Variants in SIGLEC15 observed in about 807,000 individuals in gnomAD.
SIGLEC15 encodes the protein sialic acid-binding Ig-like lectin 15.
SIGLEC15 carries 31 observed loss-of-function variants against 26.2 expected under a neutral mutation model. The ratio of observed to expected loss-of-function variants is 1.18; its 90% CI spans 0.89 to 1.60. SIGLEC15 has a LOEUF of 1.60. Ranked by LOEUF, SIGLEC15 falls within the 40% of genes most tolerant of loss-of-function variation. The pLI, the probability that SIGLEC15 is intolerant of heterozygous loss-of-function variation, is 0.00. For synonymous variants in SIGLEC15, 207 were observed against 221.9 expected (o/e 0.93, Z 0.60); for missense variants, 501 against 488.4 (o/e 1.03, Z -0.24).
intron 1 of SIGLEC15, among the ~76,000 whole-genome samples, chr18:45,836,303 G>C (rs1362213072): frequency 6.6e-6 from 1 of 152,140 alleles, no homozygotes; most frequent in Non-Finnish European, 1.5e-5. Flanking sequence ...AGGGTCACAT[G>C]ACATGGTATC....
chr18:45,827,471 A>G (rs2048194588), intron 1 of SIGLEC15, among the ~76,000 whole-genome samples: 1 of 152,184 alleles, frequency 6.6e-6, no homozygotes, highest in Non-Finnish European at 1.5e-5. Flanking sequence ...GGTCCCACTG[A>G]GACAGTGGCC....
chr18:45,840,077 CTGCTAGTCTGCTGTT>C, intron 4 of SIGLEC15, 119 bp from the exon 5 acceptor site: 1 of 924,722 alleles, frequency 1.1e-6, no homozygotes, highest in Non-Finnish European at 1.7e-6. Flanking sequence ...GCTTCACACC[CTGCTAGTCTGCTGTT>C]TGCTTCAAAA....
intron 1 of SIGLEC15, among the ~76,000 whole-genome samples, chr18:45,829,770 G>C: frequency 6.6e-6 from 1 of 152,144 alleles, no homozygotes; most frequent in East Asian, 1.9e-4. Flanking sequence ...AAAGATGCCT[G>C]AGGGACTCCA....
Position 45,839,004 on chromosome 18 carries a change from C to T in SIGLEC15, c.783C>T (p.Ala261=). The T allele has an allele frequency of 6.3e-7, 1 of 1,593,864 alleles. No homozygotes were observed. Among genetic ancestry groups the T allele is most frequent in the Non-Finnish European group, 8.5e-7 (1 of 1,175,682 alleles). The stretch of plus-strand genomic sequence containing the variant: ...TCCGCTTCCATGGCGCCAGCGGGGC[C>T]TCGACGGTCGCCCTCCTGCTCGGCG... ...YLFRFHGASG[A]STVALLLGAL... is the part of the protein sequence containing the mutation. Residue 261 remains alanine, a synonymous_variant, in exon 4 of 6, where the codon GCC becomes GCT. Coordinates refer to ENST00000389474, the MANE Select transcript of SIGLEC15 (RefSeq NM_213602.3).
At chr18:45,842,049 G>T (rs1480623661) in intron 5 of SIGLEC15, 57 bp from the exon 6 acceptor site, 10 of 1,524,084 alleles carry the variant, frequency 6.6e-6, no homozygotes, top group African/African-American at 1.4e-5. Flanking sequence ...ATATAGTTTG[G>T]GCAGTTGTGG....
intron 5 of SIGLEC15, 63 bp downstream of exon 5, chr18:45,840,304 G>A (rs2048314734): frequency 6.5e-7 from 1 of 1,538,064 alleles, no homozygotes. Flanking sequence ...TCACCCAGGG[G>A]GTCCAGGCAG....
In SIGLEC15 at chr18:45,842,981, C is replaced by T. The variant is rs977493175; in HGVS notation, c.*794C>T. On this transcript the variant is annotated 3_prime_UTR_variant, in exon 6 of 6. Coordinates refer to ENST00000389474, the MANE Select transcript of SIGLEC15 (RefSeq NM_213602.3). ...GCCTTTACCCCATGCCCCCTGGGAT[C>T]TCCACTGTGACTGTCCCACACCCTC... is the stretch of plus-strand genomic sequence containing the variant. The T allele has an allele frequency of 6.6e-6, 1 of 152,372 alleles. No homozygotes were observed. 9.4% of individuals were successfully genotyped at this position (152,372 alleles called of 1,614,324 possible).
intron 5 of SIGLEC15, among the ~76,000 whole-genome samples, chr18:45,841,816 CAGG>C (rs1184894734): frequency 6.6e-6 from 1 of 152,174 alleles, no homozygotes; most frequent in Non-Finnish European, 1.5e-5. Context: ...AGTTGGGGAC[CAGG>C]AGGCCAGGCC....
intron 2 of SIGLEC15, 125 bp from the exon 3 acceptor site, chr18:45,837,388 T>C (rs2048283970): frequency 1.5e-6 from 2 of 1,334,170 alleles, no homozygotes; most frequent in African/African-American, 3.0e-5. Context: ...GGACGATCCC[T>C]GAGTCCTGGG....
At chr18:45,839,173 A>C in intron 4 of SIGLEC15, 78 bp downstream of exon 4, 1 of 1,325,564 alleles carries the variant, frequency 7.5e-7, no homozygotes, top group Non-Finnish European at 9.6e-7. Context: ...CACCTGGCTG[A>C]CCCCCTGGCA....
rs1308202480 is a variant in SIGLEC15, at chr18:45,838,758, G to C, written c.537G>C (p.Pro179=). The C allele has an allele frequency of 6.3e-7, 1 of 1,582,148 alleles. No individual in the cohort carries two copies. The highest frequency in any genetic ancestry group is 2.3e-5 in the East Asian group (1 of 43,828). The part of the protein sequence containing the change: ...RIVNISVLPS[P]AHAFRALCTA... ...TCAACATCTCGGTGCTGCCCAGTCC[G>C]GCTCACGCCTTCCGCGCGCTCTGCA... The change falls in exon 4 of 6, where the codon CCG becomes CCC. Residue 179 remains proline (P), a synonymous_variant. Coordinates refer to ENST00000389474, the MANE Select transcript of SIGLEC15 (RefSeq NM_213602.3).
At chr18:45,837,253 G>A (rs1568080684) in intron 2 of SIGLEC15, among the ~76,000 whole-genome samples, 165 bp downstream of exon 2, 1 of 152,216 alleles carries the variant, frequency 6.6e-6, no homozygotes, top group African/African-American at 2.4e-5. Context: ...GAGGGGAATA[G>A]TCCCAGGGAA....
Position 45,837,786 on chromosome 18 carries a change from T to G in SIGLEC15, c.386T>G (p.Val129Gly), listed in dbSNP as rs555084106. 3.9e-6 allele frequency: 6 copies of G among 1,523,674 alleles called. No homozygotes were observed. The South Asian group carries it at 7.2e-5, about 18-fold the overall frequency. The allele number at this position is 1,523,674 out of a possible 1,614,324, so 94.4% of individuals were successfully genotyped here. A position where few individuals can be genotyped will look rare whatever the true frequency, so the allele number is the denominator to read the frequency against. Residue 129 changes from valine to glycine, a missense_variant, in exon 3 of 6, where the codon GTC becomes GGC. By Grantham distance (109) the Val-to-Gly change is moderately radical (BLOSUM62 -3). Coordinates refer to ENST00000389474, the MANE Select transcript of SIGLEC15 (RefSeq NM_213602.3). ...NPRRNDLSLR[V>G]ERLALADDRR... ...CGCCGCAACGACCTCTCGCTGCGCG[T>G]CGAGCGCCTCGCCCTGGCTGACGAC... is the stretch of plus-strand genomic sequence containing the variant.
intron 1 of SIGLEC15, among the ~76,000 whole-genome samples, chr18:45,826,503 AC>A (rs1298362942): frequency 6.6e-6 from 1 of 152,088 alleles, no homozygotes; most frequent in African/African-American, 2.4e-5. Context: ...CTGCATTTTC[AC>A]CACCTTCTTG....
intron 1 of SIGLEC15, among the ~76,000 whole-genome samples, chr18:45,831,754 T>G (rs1434693253): frequency 6.6e-6 from 1 of 151,840 alleles, no homozygotes; most frequent in Admixed American, 6.6e-5. Context: ...TTTTTTTTTT[T>G]TTGGCGGAGT....
chr18:45,841,433 T>C (rs1206352092), intron 5 of SIGLEC15, among the ~76,000 whole-genome samples: 2 of 152,078 alleles, frequency 1.3e-5, no homozygotes, highest in Non-Finnish European at 2.9e-5. Flanking sequence ...GTGGGGGTTA[T>C]TGTGGGTGCA....
chr18:45,829,122 C>G, intron 1 of SIGLEC15: 1 of 985,688 alleles, frequency 1.0e-6, no homozygotes, highest in Non-Finnish European at 1.2e-6. Flanking sequence ...GAGCAGCACT[C>G]TGGGGTGGGC....
intron 5 of SIGLEC15, among the ~76,000 whole-genome samples, chr18:45,840,550 T>G (rs565719173): frequency 6.6e-6 from 1 of 152,292 alleles, no homozygotes; most frequent in South Asian, 2.1e-4. Context: ...GGGACACTCA[T>G]CCCCGTTCCC....
At chr18:45,832,019 G>A (rs900683231) in intron 1 of SIGLEC15, among the ~76,000 whole-genome samples, 4 of 152,282 alleles carry the variant, frequency 2.6e-5, no homozygotes, top group Middle Eastern at 3.4e-3. Flanking sequence ...GGCGTGAGCC[G>A]CCACGCCCGG....
Sources: gnomAD v4.1 joint callset for allele counts (sites outside exome capture counted in the v4.1 genomes callset) on GRCh38, gnomAD v4.1.1 for gene constraint, MANE v1.5 for transcripts, NCBI Gene and HGNC (gene_info 2026-07-23, HGNC 2026-07-21) for gene names.